WASF3: variants seen among roughly 807,000 people sequenced by gnomAD.
The protein encoded by WASF3 is WASP family member 3.
WASF3 carries 11 observed loss-of-function variants against 46.6 expected under a neutral mutation model. The observed-to-expected ratio is 0.24, with a 90% confidence interval of 0.15 to 0.39. The LOEUF is 0.39. Ranked by LOEUF, WASF3 falls within the 10% of genes least tolerant of loss-of-function variation. The pLI is 1.00. For missense variants in WASF3, 576 were observed against 669.8 expected, an observed-to-expected ratio of 0.86 and a Z score of 1.55; for synonymous variants, 242 against 259.7, an observed-to-expected ratio of 0.93 and a Z score of 0.65.
upstream of WASF3, among the ~76,000 whole-genome samples, chr13:26,555,276 C>A (rs1415540285): frequency 6.6e-6 from 1 of 151,896 alleles, no homozygotes; most frequent in Non-Finnish European, 1.5e-5. Context: ...CCTGAGTGGC[C>A]TTTTTAAAAA....
At chr13:26,543,034 G>A in the WASF3 span, among the ~76,000 whole-genome samples, 1 of 152,178 alleles carries the variant, frequency 6.6e-6, no homozygotes, top group Non-Finnish European at 1.5e-5. Flanking sequence ...CATGATGGAG[G>A]GTAGTGCAGG....
chr13:26,662,851 C>T (rs1882669462), intron 3 of WASF3, among the ~76,000 whole-genome samples: 1 of 143,928 alleles, frequency 6.9e-6, no homozygotes, highest in East Asian at 2.1e-4. Flanking sequence ...AAGTGCAGTG[C>T]ACAGGGCCCT....
At chr13:26,637,247 C>T (rs1320216836) in intron 2 of WASF3, among the ~76,000 whole-genome samples, 1 of 152,152 alleles carries the variant, frequency 6.6e-6, no homozygotes, top group Non-Finnish European at 1.5e-5. Context: ...CAGCATATTC[C>T]AGCTCAGCCA....
At chr13:26,566,758 G>A (rs1248594078) in intron 1 of WASF3, among the ~76,000 whole-genome samples, 1 of 152,174 alleles carries the variant, frequency 6.6e-6, no homozygotes, top group Non-Finnish European at 1.5e-5. Flanking sequence ...CTCAGACATG[G>A]CCTCTCTTAG....
In WASF3 at chr13:26,687,737, TGTTG is replaced by T. The variant is rs1883455961; in HGVS notation, c.*1893_*1896del. On this transcript the variant is annotated 3_prime_UTR_variant, in exon 10 of 10. Transcript: ENST00000335327. ...TCTCTCTCTCTCTTTTTTTTTTTTT[TGTTG>T]TTGTTAAAAAGGGCCTACTACATTG... 6.7e-6 allele frequency: 1 copy of T among 149,742 alleles called. No individual in the cohort carries two copies. The allele number at this position is 149,742 out of a possible 1,614,324, so 9.3% of individuals were successfully genotyped here.
intron 2 of WASF3, chr13:26,620,530 T>C (rs1881274112): frequency 6.6e-6 from 1 of 152,190 alleles, no homozygotes; most frequent in South Asian, 2.1e-4. Flanking sequence ...GCGTGGCAAG[T>C]TGTAGAACAG....
At chr13:26,668,758 T>C (rs2137474841) in intron 5 of WASF3, among the ~76,000 whole-genome samples, 1 of 152,366 alleles carries the variant, frequency 6.6e-6, no homozygotes, top group South Asian at 2.1e-4. Flanking sequence ...GCCAAACTGA[T>C]GGCAGAGGAG....
At chr13:26,642,984 C>T (rs1566060777) in intron 3 of WASF3, among the ~76,000 whole-genome samples, 1 of 151,906 alleles carries the variant, frequency 6.6e-6, no homozygotes, top group African/African-American at 2.4e-5. Flanking sequence ...TATATGGTAC[C>T]ACGTATATAT....
intron 1 of WASF3, among the ~76,000 whole-genome samples, chr13:26,591,146 G>A (rs150516503): frequency 1.3e-5 from 2 of 152,010 alleles, no homozygotes; most frequent in Non-Finnish European, 2.9e-5. Context: ...AATGAGGAGG[G>A]GAGAGGGAGA....
chr13:26,676,034 A>G (rs1273479624), intron 6 of WASF3, among the ~76,000 whole-genome samples: 1 of 152,202 alleles, frequency 6.6e-6, no homozygotes, highest in African/African-American at 2.4e-5. Context: ...TGAGCAGGTA[A>G]GTTTTTATCT....
chr13:26,650,271 A>G (rs969567717), intron 3 of WASF3, among the ~76,000 whole-genome samples: 1 of 152,124 alleles, frequency 6.6e-6, no homozygotes. Flanking sequence ...GCTCACTAGA[A>G]GACTGAGACC....
the WASF3 span, among the ~76,000 whole-genome samples, chr13:26,544,707 A>C: frequency 6.6e-6 from 1 of 152,240 alleles, no homozygotes; most frequent in Admixed American, 6.5e-5. Context: ...AGAGTAAACA[A>C]GCATCCCGAG....
At chr13:26,572,029 T>C (rs954173995) in intron 1 of WASF3, among the ~76,000 whole-genome samples, 1 of 152,262 alleles carries the variant, frequency 6.6e-6, no homozygotes, top group Admixed American at 6.5e-5. Context: ...AAGACTAGTT[T>C]GTTTACTTTA....
intron 1 of WASF3, among the ~76,000 whole-genome samples, chr13:26,568,077 G>A (rs772386989): frequency 3.9e-5 from 6 of 152,148 alleles, no homozygotes; most frequent in Non-Finnish European, 7.4e-5. Context: ...AGGGGGATGC[G>A]TAGTGACAGA....
At chr13:26,643,697 G>A (rs1195143237) in intron 3 of WASF3, among the ~76,000 whole-genome samples, 1 of 152,144 alleles carries the variant, frequency 6.6e-6, no homozygotes, top group Non-Finnish European at 1.5e-5. Context: ...AATGCCTGTT[G>A]GCACAAAGTG....
intron 3 of WASF3, among the ~76,000 whole-genome samples, chr13:26,652,001 AC>A (rs1271874558): frequency 6.6e-6 from 1 of 152,208 alleles, no homozygotes; most frequent in African/African-American, 2.4e-5. Context: ...GAAAGGAAGA[AC>A]AAAGGAAGAA....
intron 1 of WASF3, among the ~76,000 whole-genome samples, chr13:26,566,000 G>A (rs368004419): frequency 6.6e-6 from 1 of 152,086 alleles, no homozygotes; most frequent in African/African-American, 2.4e-5. Context: ...ATTAGGCACC[G>A]AAGAGTTTAG....
intron 1 of WASF3, among the ~76,000 whole-genome samples, chr13:26,564,824 T>G (rs1199590018): frequency 6.6e-6 from 1 of 152,086 alleles, no homozygotes; most frequent in Non-Finnish European, 1.5e-5. Flanking sequence ...GTTTACACAG[T>G]ATGGTCTGAG....
rs1294460428 is a variant in WASF3, at chr13:26,557,697, G to A, written c.-231G>A. 3 of 168,886 alleles carry A rather than the reference G, an allele frequency of 1.8e-5. No individual in the cohort carries two copies. 10.5% of individuals were successfully genotyped at this position (168,886 alleles called of 1,614,324 possible). On this transcript the variant is annotated 5_prime_UTR_variant, in exon 1 of 10. Transcript: ENST00000335327. ...TGGCCGCGGCCGTGGACGGGCCGGA[G>A]GCGGCGTCGCTCGCGCCGCTGCGTG...
Sources: gnomAD v4.1 joint callset for allele counts (sites outside exome capture counted in the v4.1 genomes callset) on GRCh38, gnomAD v4.1.1 for gene constraint, MANE v1.5 for transcripts, NCBI Gene and HGNC (gene_info 2026-07-23, HGNC 2026-07-21) for gene names.